Variants in PRKAR1B observed in about 807,000 individuals in gnomAD.
PRKAR1B encodes the protein protein kinase cAMP-dependent type I regulatory subunit beta, also known as cAMP-dependent protein kinase type I-beta regulatory subunit.
Under a neutral mutation model 46.5 loss-of-function variants are expected in PRKAR1B, and 22 were observed. The ratio of observed to expected loss-of-function variants is 0.47; its 90% CI spans 0.34 to 0.68. PRKAR1B has a LOEUF of 0.68. Among genes scored for constraint, PRKAR1B ranks in the 30% least tolerant of loss-of-function variants. PRKAR1B has a pLI of 0.01. For missense variants in PRKAR1B, 445 were observed against 535.6 expected (o/e 0.83, Z 1.67); for synonymous variants, 259 against 217.7 (o/e 1.19, Z -1.67).
At chr7:577,767 C>A (rs1222635043) in intron 9 of PRKAR1B, among the ~76,000 whole-genome samples, 1 of 152,214 alleles carries the variant, frequency 6.6e-6, no homozygotes, top group Admixed American at 6.5e-5. Flanking sequence ...TGGGGCTTAG[C>A]CCACGAGGGT....
At position 629,887 on chromosome 7, in the gene PRKAR1B, G is replaced by A. The variant is rs529071857; in HGVS notation, c.441-22435C>T. ...GGCTGGAAAACGCTGCAGGAGCAGGGCCACGGCCTCCCAGGGCGCCACCAC... is the reference window on the plus strand; with the variant it reads ...GGCTGGAAAACGCTGCAGGAGCAGGACCACGGCCTCCCAGGGCGCCACCAC... On this transcript the variant is annotated intron_variant, in intron 4 of 10. Coordinates refer to ENST00000537384, the MANE Select transcript of PRKAR1B (RefSeq NM_001164760.2). Among the ~76,000 whole-genome samples the A allele has an allele frequency of 5.9e-4, 19 of 32,394 alleles. 2 individuals carry two copies. Among genetic ancestry groups the A allele is most frequent in the South Asian group, 6.6e-3 (2 of 304 alleles). The allele number at this position is 32,394 out of a possible 152,430, so 21.3% of individuals were successfully genotyped here. A position where few individuals can be genotyped will look rare whatever the true frequency, so the allele number is the denominator to read the frequency against.
chr7:619,854 GTTGT>G lies in PRKAR1B; in HGVS notation c.441-12406_441-12403del, dbSNP rs555920992. ...TTTCTGTTGTTTTGTTTTTTGTTTT[GTTGT>G]TTGTTTTTTAGAGACAAGGTCTCAC... On this transcript the variant is annotated intron_variant, in intron 4 of 10. Coordinates refer to ENST00000537384, the MANE Select transcript of PRKAR1B (RefSeq NM_001164760.2). Among the ~76,000 whole-genome samples the G allele has an allele frequency of 3.9e-3, 593 of 151,816 alleles. 4 individuals are homozygous for G. The highest frequency in any genetic ancestry group is 0.013 in the African/African-American group (558 of 41,416).
intron 2 of PRKAR1B, among the ~76,000 whole-genome samples, chr7:708,421 A>T (rs1387429769): frequency 6.6e-6 from 1 of 152,218 alleles, no homozygotes; most frequent in South Asian, 2.1e-4. Flanking sequence ...ATGGATGCTG[A>T]AGTCCCTGAT....
chr7:665,301 G>A (rs980629616), intron 4 of PRKAR1B, among the ~76,000 whole-genome samples: 30 of 152,332 alleles, frequency 2.0e-4, no homozygotes, highest in African/African-American at 7.2e-4. Context: ...ATCCCAGCCA[G>A]GTCAAAGTCC....
In PRKAR1B at chr7:598,817, G is replaced by A. The variant is rs570524265; in HGVS notation, c.550-2513C>T. Among the ~76,000 whole-genome samples the A allele has an allele frequency of 5.3e-5, 8 of 152,370 alleles. No individual in the cohort carries two copies. The South Asian group carries it at 1.7e-3, about 32-fold the overall frequency. ...ACATCTTGTGCCCAAGGAGGTGAGT[G>A]AGCCTCTTGGCCCCTTCAGGGAATG... On this transcript the variant is annotated intron_variant, in intron 6 of 10. Transcript: ENST00000537384.
At chr7:636,753 C>CG (rs2128482684) in intron 4 of PRKAR1B, among the ~76,000 whole-genome samples, 1 of 152,336 alleles carries the variant, frequency 6.6e-6, no homozygotes, top group Admixed American at 6.5e-5. Context: ...CGGGACCTGA[C>CG]GGGTCGGGTC....
chr7:592,956 AG>A (rs1396226464), intron 7 of PRKAR1B, among the ~76,000 whole-genome samples: 1 of 152,198 alleles, frequency 6.6e-6, no homozygotes, highest in African/African-American at 2.4e-5. Flanking sequence ...GGATGGCTTG[AG>A]CCGGGGAGGC....
intron 4 of PRKAR1B, among the ~76,000 whole-genome samples, chr7:630,806 A>AC (rs111365364): frequency 0.013 from 1,938 of 150,212 alleles, 22 homozygotes; most frequent in African/African-American, 0.034. Context: ...TGGGGAGCAC[A>AC]CCCCCCCCAC....
At chr7:689,345 T>A (rs1779283582) in intron 2 of PRKAR1B, among the ~76,000 whole-genome samples, 1 of 151,952 alleles carries the variant, frequency 6.6e-6, no homozygotes, top group South Asian at 2.1e-4. Context: ...ATGGTCTCGA[T>A]CTCCTGACCT....
intron 9 of PRKAR1B, among the ~76,000 whole-genome samples, chr7:578,137 CA>C (rs1161348642): frequency 6.6e-6 from 1 of 152,182 alleles, no homozygotes; most frequent in African/African-American, 2.4e-5. Flanking sequence ...CTGTTTTAGC[CA>C]GTCCTCAATT....
intron 6 of PRKAR1B, among the ~76,000 whole-genome samples, chr7:599,477 G>A (rs1488362421): frequency 5.3e-5 from 8 of 151,808 alleles, no homozygotes; most frequent in South Asian, 4.2e-4. Context: ...TAGTAGAGAC[G>A]GGGTTTCTCC....
At chr7:587,753 T>G (rs1200882047) in intron 7 of PRKAR1B, among the ~76,000 whole-genome samples, 1 of 152,100 alleles carries the variant, frequency 6.6e-6, no homozygotes, top group Non-Finnish European at 1.5e-5. Context: ...GGAGCGGGAC[T>G]CCAGCTGCTG....
chr7:630,490 TTGCCCTGGGGGTCCCACGGCTCCC>T (rs1007320287), intron 4 of PRKAR1B, among the ~76,000 whole-genome samples: 24 of 152,194 alleles, frequency 1.6e-4, no homozygotes, highest in Admixed American at 1.0e-3. Context: ...GCCTATCCCA[TTGCCCTGGGGGTCCCACGGCTCCC>T]TGTACAAACT....
At chr7:638,460 A>G (rs935238273) in intron 4 of PRKAR1B, among the ~76,000 whole-genome samples, 1 of 152,014 alleles carries the variant, frequency 6.6e-6, no homozygotes, top group African/African-American at 2.4e-5. Flanking sequence ...GCACTCAGCC[A>G]CCTGCCTCTC....
chr7:601,901 T>G (rs532784702), intron 6 of PRKAR1B, among the ~76,000 whole-genome samples: 2 of 107,470 alleles, frequency 1.9e-5, no homozygotes, highest in African/African-American at 3.6e-5. Context: ...TGGGGAGGGG[T>G]AGGGACGGGC....
chr7:663,422 A>C (rs1785724128), intron 4 of PRKAR1B, among the ~76,000 whole-genome samples: 1 of 152,092 alleles, frequency 6.6e-6, no homozygotes, highest in Non-Finnish European at 1.5e-5. Flanking sequence ...AGGAGGGTAG[A>C]GATGGGGTCT....
chr7:627,664 A>G (rs1176592094), intron 4 of PRKAR1B, among the ~76,000 whole-genome samples: 1 of 152,094 alleles, frequency 6.6e-6, no homozygotes, highest in Non-Finnish European at 1.5e-5. Flanking sequence ...TAAGGAGGGC[A>G]CCAACACCCC....
rs149407237 is a variant in PRKAR1B at position 686,256 on chromosome 7, G to A, written c.178-5530C>T. 8.5e-3 allele frequency among the ~76,000 whole-genome samples: 1,283 copies of A among 151,586 alleles called. 9 individuals are homozygous for A. Among genetic ancestry groups the A allele is most frequent in the Non-Finnish European group, 0.013 (881 of 67,932 alleles). ...GTGGAGCTTGCAGTGAGCCGAAATC[G>A]TACCACTGCACTCCAGCCTGGGCGA... On this transcript the variant is annotated intron_variant, in intron 2 of 10. Transcript: ENST00000537384.
At chr7:702,071 A>C (rs1391119695) in intron 2 of PRKAR1B, among the ~76,000 whole-genome samples, 1 of 152,220 alleles carries the variant, frequency 6.6e-6, no homozygotes, top group Non-Finnish European at 1.5e-5. Flanking sequence ...ACATGTGTAA[A>C]GATGATACGT....
Sources: gnomAD v4.1 joint callset for allele counts (sites outside exome capture counted in the v4.1 genomes callset) on GRCh38, gnomAD v4.1.1 for gene constraint, MANE v1.5 for transcripts, NCBI Gene and HGNC (gene_info 2026-07-23, HGNC 2026-07-21) for gene names.